L3MBTL4: variants seen among roughly 807,000 people sequenced by gnomAD.
L3MBTL4 encodes the protein L3MBTL histone methyl-lysine binding protein 4.
L3MBTL4 carries 70 observed loss-of-function variants against 84.5 expected under a neutral mutation model. That is an observed-to-expected ratio of 0.83 (90% CI 0.68 to 1.01). The LOEUF is 1.01. L3MBTL4 is among the 50% of genes least tolerant of loss of function. L3MBTL4 has a pLI of 0.00. For synonymous variants in L3MBTL4, 274 were observed against 259.8 expected (o/e 1.05, Z -0.52); for missense variants, 715 against 754.8 (o/e 0.95, Z 0.62).
chr18:5,962,264 T>A (rs1177429996), intron 17 of L3MBTL4, among the ~76,000 whole-genome samples: 1 of 151,822 alleles, frequency 6.6e-6, no homozygotes, highest in African/African-American at 2.4e-5. Flanking sequence ...AAGAAGGGGG[T>A]CTGTGAGAGG....
chr18:6,274,184 A>G (rs1189783235), intron 4 of L3MBTL4, among the ~76,000 whole-genome samples: 1 of 152,242 alleles, frequency 6.6e-6, no homozygotes, highest in Non-Finnish European at 1.5e-5. Flanking sequence ...TACCCAAACC[A>G]GCAGCATCAG....
chr18:6,241,525 A>T (rs2047450484), intron 7 of L3MBTL4, 76 bp from the exon 8 acceptor site: 1 of 814,802 alleles, frequency 1.2e-6, no homozygotes, highest in Non-Finnish European at 2.0e-6. Context: ...GGTTGGTGCA[A>T]AAGTAAGTGC....
chr18:6,238,072 T>C, intron 9 of L3MBTL4, 32 bp from the exon 10 acceptor site: 1 of 1,576,490 alleles, frequency 6.3e-7, no homozygotes, highest in Non-Finnish European at 8.7e-7. Context: ...TTACGTTCCG[T>C]TTTACTTCAT....
intron 13 of L3MBTL4, among the ~76,000 whole-genome samples, chr18:6,163,851 T>C (rs1294262558): frequency 1.3e-5 from 2 of 152,216 alleles, no homozygotes; most frequent in East Asian, 1.9e-4. Context: ...GTGGGTGCAG[T>C]GCACTGTGTG....
chr18:6,321,268 G>C lies in L3MBTL4; in HGVS notation c.-90-9212C>G, dbSNP rs546531499. ...CAAAAAAGCTTCTGTACAGCAAAAGGCATAATCATCAGAATAAACAGACAA... is the reference window on the plus strand; with the variant it reads ...CAAAAAAGCTTCTGTACAGCAAAAGCCATAATCATCAGAATAAACAGACAA... On this transcript the variant is annotated intron_variant, in intron 1 of 18. Coordinates refer to ENST00000317931, the MANE Select transcript of L3MBTL4 (RefSeq NM_001330559.2). Among the ~76,000 whole-genome samples, 3 of 151,976 alleles carry C rather than the reference G, an allele frequency of 2.0e-5. 1 individual carries two copies. In the South Asian group the frequency reaches 6.2e-4, roughly 32 times the overall value.
chr18:6,262,943 T>A (rs929314654), intron 5 of L3MBTL4, among the ~76,000 whole-genome samples: 1 of 152,152 alleles, frequency 6.6e-6, no homozygotes, highest in African/African-American at 2.4e-5. Context: ...ACAGATGTCA[T>A]GAAAAGTAAA....
chr18:6,383,074 C>T (rs532191141), intron 1 of L3MBTL4, among the ~76,000 whole-genome samples: 17 of 152,220 alleles, frequency 1.1e-4, no homozygotes, highest in South Asian at 8.3e-4. Context: ...GTAGGCTCTG[C>T]CCAGTTCGAA....
chr18:6,213,046 T>C (rs750893597), intron 12 of L3MBTL4, 103 bp downstream of exon 12: 3 of 641,198 alleles, frequency 4.7e-6, no homozygotes, highest in Non-Finnish European at 7.8e-6. Context: ...ATTGTGCAGA[T>C]GAATTAAAAA....
At chr18:6,392,675 C>CA (rs2055106626) in intron 1 of L3MBTL4, among the ~76,000 whole-genome samples, 2 of 152,086 alleles carry the variant, frequency 1.3e-5, no homozygotes, top group Admixed American at 6.6e-5. Context: ...GACCTGAAAC[C>CA]AAAAAATTCT....
chr18:5,994,362 G>C (rs1233397072), intron 16 of L3MBTL4, among the ~76,000 whole-genome samples: 1 of 152,182 alleles, frequency 6.6e-6, no homozygotes, highest in African/African-American at 2.4e-5. Context: ...GCTCAAAAAA[G>C]ACCTTCTTTG....
At chr18:6,298,632 G>C (rs1332631397) in intron 4 of L3MBTL4, among the ~76,000 whole-genome samples, 1 of 152,134 alleles carries the variant, frequency 6.6e-6, no homozygotes, top group East Asian at 1.9e-4. Flanking sequence ...CAGCACTTTG[G>C]GAGGCCAAGG....
intron 1 of L3MBTL4, among the ~76,000 whole-genome samples, chr18:6,351,290 C>T (rs1170480944): frequency 6.6e-6 from 1 of 152,080 alleles, no homozygotes; most frequent in Non-Finnish European, 1.5e-5. Context: ...TATTATTCCA[C>T]TTATATGAGG....
At chr18:5,990,178 A>G (rs989278145) in intron 16 of L3MBTL4, among the ~76,000 whole-genome samples, 2 of 152,222 alleles carry the variant, frequency 1.3e-5, no homozygotes, top group African/African-American at 2.4e-5. Flanking sequence ...AGGGTTATAA[A>G]AAGGTGATCT....
chr18:6,231,714 C>T (rs547803281), intron 10 of L3MBTL4, among the ~76,000 whole-genome samples: 90 of 152,200 alleles, frequency 5.9e-4, no homozygotes, highest in Non-Finnish European at 1.1e-3. Context: ...TTTATTGTTA[C>T]AGTAAAGAAA....
chr18:6,166,716 A>C (rs957136970), intron 13 of L3MBTL4, among the ~76,000 whole-genome samples: 1 of 152,196 alleles, frequency 6.6e-6, no homozygotes, highest in Non-Finnish European at 1.5e-5. Context: ...AATGCCCACA[A>C]GAGAAAGCAG....
chr18:5,986,619 C>G (rs1421611697), intron 16 of L3MBTL4, among the ~76,000 whole-genome samples: 2 of 152,164 alleles, frequency 1.3e-5, no homozygotes, highest in African/African-American at 4.8e-5. Context: ...CTGTTAAATT[C>G]TGCTAAAAAC....
Position 6,125,672 on chromosome 18 carries a change from C to A in L3MBTL4, c.1199+12522G>T, listed in dbSNP as rs560090680. Among the ~76,000 whole-genome samples, 8 of 152,320 alleles carry A rather than the reference C, an allele frequency of 5.3e-5. No individual in the cohort carries two copies. In the South Asian group the frequency reaches 1.7e-3, roughly 32 times the overall value. On this transcript the variant is annotated intron_variant, in intron 14 of 18. Coordinates refer to ENST00000317931, the MANE Select transcript of L3MBTL4 (RefSeq NM_001330559.2). ...CTCGAACTGCTGGGCTCAAGCAATC[C>A]TCCTGCCTTGGCCTCCCAAAGTGTT...
chr18:6,071,764 A>G (rs796103361), intron 16 of L3MBTL4, among the ~76,000 whole-genome samples: 1 of 63,968 alleles, frequency 1.6e-5, no homozygotes, highest in African/African-American at 4.6e-5. Context: ...AAAGAAAAAA[A>G]GAAAGAAAGA....
At chr18:5,988,950 C>A (rs1192322051) in intron 16 of L3MBTL4, among the ~76,000 whole-genome samples, 1 of 152,214 alleles carries the variant, frequency 6.6e-6, no homozygotes, top group African/African-American at 2.4e-5. Flanking sequence ...CGCTTCTATA[C>A]TAAGACCCTG....
Sources: allele counts gnomAD v4.1 joint callset (sites outside exome capture counted in the v4.1 genomes callset), GRCh38; gene constraint gnomAD v4.1.1; transcripts MANE v1.5; gene names NCBI Gene and HGNC (gene_info 2026-07-23, HGNC 2026-07-21).